The following SLC7A14 variants were observed in gnomAD, a reference collection of about 807,000 sequenced individuals.
SLC7A14 encodes gamma-aminobutyric acid transporter SLC7A14.
Under a neutral mutation model 60.2 loss-of-function variants are expected in SLC7A14, and 37 were observed. That is an observed-to-expected ratio of 0.61 (90% confidence interval 0.47 to 0.81). The LOEUF is 0.81. SLC7A14 is among the 30% of genes least tolerant of loss of function. SLC7A14 has a pLI of 0.00. For synonymous variants in SLC7A14, 399 were observed against 395.8 expected, an observed-to-expected ratio of 1.01 and a Z score of -0.10; for missense variants, 886 against 982.7, an observed-to-expected ratio of 0.90 and a Z score of 1.32.
chr3:170,525,989 A>C (rs1188214546), intron 2 of SLC7A14, among the ~76,000 whole-genome samples: 3 of 151,886 alleles, frequency 2.0e-5, no homozygotes, highest in African/African-American at 7.3e-5. Flanking sequence ...AAGCAGAAGA[A>C]GCGCTTGAAC....
At chr3:170,479,869 T>C (rs1711750610) in intron 7 of SLC7A14, among the ~76,000 whole-genome samples, 1 of 152,258 alleles carries the variant, frequency 6.6e-6, no homozygotes, top group African/African-American at 2.4e-5. Flanking sequence ...GCTATTTTAA[T>C]TTAATTTTGT....
At chr3:170,559,106 A>C (rs1182117441) in intron 1 of SLC7A14, among the ~76,000 whole-genome samples, 1 of 152,234 alleles carries the variant, frequency 6.6e-6, no homozygotes, top group South Asian at 2.1e-4. Flanking sequence ...CAAAATTATT[A>C]CTTAATATGT....
intron 1 of SLC7A14, among the ~76,000 whole-genome samples, chr3:170,578,514 C>T (rs1715157797): frequency 6.6e-6 from 1 of 152,194 alleles, no homozygotes; most frequent in Non-Finnish European, 1.5e-5. Context: ...GTAGCACAAA[C>T]TTGTTACCTG....
chr3:170,534,782 TA>T (rs775243231), intron 1 of SLC7A14, among the ~76,000 whole-genome samples: 26 of 152,084 alleles, frequency 1.7e-4, no homozygotes, highest in African/African-American at 6.3e-4. Context: ...AATAATTCTT[TA>T]AAAAAAACTT....
intron 1 of SLC7A14, among the ~76,000 whole-genome samples, chr3:170,580,314 A>G (rs888665406): frequency 4.6e-5 from 7 of 152,214 alleles, no homozygotes; most frequent in African/African-American, 1.2e-4. Context: ...TGGGATCTAC[A>G]ATTAGAGAAA....
At chr3:170,541,979 T>G (rs997572289) in intron 1 of SLC7A14, among the ~76,000 whole-genome samples, 1 of 152,240 alleles carries the variant, frequency 6.6e-6, no homozygotes, top group Non-Finnish European at 1.5e-5. Flanking sequence ...GTAGTTATGC[T>G]TCTACGCATC....
chr3:170,496,689 T>G, intron 4 of SLC7A14: 1 of 1,004,646 alleles, frequency 1.0e-6, no homozygotes, highest in South Asian at 1.3e-5. Flanking sequence ...CCAGCGGCTA[T>G]GCAGGTGGTC....
At chr3:170,544,466 A>C (rs949704349) in intron 1 of SLC7A14, among the ~76,000 whole-genome samples, 1 of 152,236 alleles carries the variant, frequency 6.6e-6, no homozygotes, top group Non-Finnish European at 1.5e-5. Context: ...ATCCTCGCCT[A>C]AATAACAGTG....
chr3:170,555,126 C>T (rs1714452835), intron 1 of SLC7A14, among the ~76,000 whole-genome samples: 1 of 151,694 alleles, frequency 6.6e-6, no homozygotes, highest in African/African-American at 2.4e-5. Flanking sequence ...CAAGATCACA[C>T]CACTGCACTT....
At chr3:170,515,632 G>A (rs562143906) in intron 2 of SLC7A14, among the ~76,000 whole-genome samples, 2 of 152,070 alleles carry the variant, frequency 1.3e-5, no homozygotes, top group African/African-American at 2.4e-5. Flanking sequence ...GTTGGGGTGG[G>A]GGGGGAGTTG....
At chr3:170,561,578 T>C (rs1577563864) in intron 1 of SLC7A14, among the ~76,000 whole-genome samples, 1 of 152,148 alleles carries the variant, frequency 6.6e-6, no homozygotes, top group South Asian at 2.1e-4. Flanking sequence ...CCCCACAGGG[T>C]TATGACAAGG....
rs6772416 is a variant in SLC7A14 at position 170,461,086 on chromosome 3, G to A, written c.*5969C>T. On this transcript the variant is annotated 3_prime_UTR_variant, in exon 8 of 8. Transcript: ENST00000231706. ...TGCAACACCACACCTGGCTAATTTT[G>A]TATTTTTAGTAGAGATGGGGTTTCT... is the stretch of plus-strand genomic sequence containing the variant. 0.23 allele frequency: 35,161 copies of A among 151,912 alleles called. 7,269 individuals carry two copies. The highest frequency in any genetic ancestry group is 0.55 in the African/African-American group (22,710 of 41,338). 9.4% of individuals were successfully genotyped at this position (151,912 alleles called of 1,614,324 possible). A position where few individuals can be genotyped will look rare whatever the true frequency, so the allele number is the denominator to read the frequency against.
At position 170,486,348 on chromosome 3, in the gene SLC7A14, T is replaced by C; in HGVS notation, c.780A>G (p.Thr260=). The change falls in exon 5 of 8, where the codon ACA becomes ACG. Residue 260 remains threonine (T), a synonymous_variant. Coordinates refer to ENST00000231706, the MANE Select transcript of SLC7A14 (RefSeq NM_020949.3). ...GWSGVLQGAA[T]CFYAFIGFDI... The stretch of plus-strand genomic sequence containing the variant: ...CAAAGCCAATGAAAGCGTAGAAGCA[T>C]GTTGCTGCTCCTTGCAGCACCTGTG... The C allele has an allele frequency of 6.2e-7, 1 of 1,614,258 alleles. No individual in the cohort carries two copies. The highest frequency in any genetic ancestry group is 2.2e-5 in the East Asian group (1 of 44,888).
Position 170,526,648 on chromosome 3 carries a change from C to T in SLC7A14, c.289G>A (p.Ala97Thr), listed in dbSNP as rs750600837. 3.7e-5 allele frequency: 60 copies of T among 1,613,844 alleles called. No individual in the cohort carries two copies. The highest frequency in any genetic ancestry group is 4.8e-5 in the Non-Finnish European group (57 of 1,179,980). Residue 97 changes from alanine to threonine, a missense_variant, in exon 2 of 8, where the codon GCA becomes ACA. By Grantham distance (58) the Ala-to-Thr change is moderately conservative. Coordinates refer to ENST00000231706, the MANE Select transcript of SLC7A14 (RefSeq NM_020949.3). Reference sequence around the variant, plus strand: ...AGACACTTACCTGATAATATGGATGCGACGGCTGCAATGATGAAGGACACA... The same window carrying T: ...AGACACTTACCTGATAATATGGATGTGACGGCTGCAATGATGAAGGACACA... ...VIVSFIIAAV[A>T]SILSGVCYAE...
At chr3:170,469,502 G>A (rs916812177) in intron 7 of SLC7A14, among the ~76,000 whole-genome samples, 11 of 152,086 alleles carry the variant, frequency 7.2e-5, no homozygotes, top group Non-Finnish European at 1.3e-4. Flanking sequence ...TCTGTAGGTG[G>A]GGGGTGGCTA....
rs1245621329 is a variant in SLC7A14 at position 170,496,068 on chromosome 3, C to T, written c.759+2599G>A. ...CATGAACAAGGCAGAGCTGGAGTCTCGCCTGGAAGGGCTGACTGACGAGAT... is the reference window on the plus strand; with the variant it reads ...CATGAACAAGGCAGAGCTGGAGTCTTGCCTGGAAGGGCTGACTGACGAGAT... On this transcript the variant is annotated intron_variant, in intron 4 of 7. Transcript: ENST00000231706. 12 of 1,256,002 alleles carry T rather than the reference C, an allele frequency of 9.6e-6. No homozygotes were observed. The Admixed American group carries it at 1.7e-4, about 18-fold the overall frequency. 77.8% of individuals were successfully genotyped at this position (1,256,002 alleles called of 1,614,324 possible).
In SLC7A14 at chr3:170,465,456, A is replaced by G. The variant is rs531999536; in HGVS notation, c.*1599T>C. The G allele has an allele frequency of 4.6e-5, 7 of 152,376 alleles. No individual in the cohort carries two copies. In the South Asian group the frequency reaches 1.4e-3, roughly 32 times the overall value. The allele number at this position is 152,376 out of a possible 1,614,324, so 9.4% of individuals were successfully genotyped here. ...TTCTCAACCAGTGTTAGTTGAATGA[A>G]AAAATGGACTTTTACCTCCTTGCCA... is the stretch of plus-strand genomic sequence containing the variant. On this transcript the variant is annotated 3_prime_UTR_variant, in exon 8 of 8. Coordinates refer to ENST00000231706, the MANE Select transcript of SLC7A14 (RefSeq NM_020949.3).
intron 1 of SLC7A14, among the ~76,000 whole-genome samples, chr3:170,534,969 T>C (rs1713794761): frequency 6.6e-6 from 1 of 152,342 alleles, no homozygotes. Flanking sequence ...GAAGGAAGGA[T>C]AGGCTTGTTC....
intron 5 of SLC7A14, among the ~76,000 whole-genome samples, chr3:170,485,138 T>C (rs543885426): frequency 1.8e-4 from 27 of 152,168 alleles, no homozygotes; most frequent in Non-Finnish European, 2.9e-4. Flanking sequence ...AATCAGGGTA[T>C]GTATGGACAC....
Sources: allele counts gnomAD v4.1 joint callset (sites outside exome capture counted in the v4.1 genomes callset), GRCh38; gene constraint gnomAD v4.1.1; transcripts MANE v1.5; gene names NCBI Gene and HGNC (gene_info 2026-07-23, HGNC 2026-07-21).